The following UBE3C variants were observed in gnomAD, a reference collection of about 807,000 sequenced individuals.
UBE3C encodes ubiquitin-protein ligase E3C.
A neutral mutation model predicts 129.4 loss-of-function variants in UBE3C; 42 were observed. That is an observed-to-expected ratio of 0.32 (90% CI 0.25 to 0.42). The LOEUF (loss-of-function observed/expected upper bound fraction) is 0.42. UBE3C is among the 10% of genes least tolerant of loss of function. The pLI is 1.00. For missense variants in UBE3C, 1,049 were observed against 1,319.1 expected, an observed-to-expected ratio of 0.80 and a Z score of 3.17; for synonymous variants, 510 against 492.4, an observed-to-expected ratio of 1.04 and a Z score of -0.47.
intron 19 of UBE3C, among the ~76,000 whole-genome samples, chr7:157,248,974 G>C (rs577135994): frequency 7.8e-4 from 119 of 152,214 alleles, no homozygotes; most frequent in African/African-American, 2.7e-3. Context: ...CACTGTCTAG[G>C]GGGTGTGTTC....
chr7:157,189,823 G>A (rs1224592405), intron 10 of UBE3C, among the ~76,000 whole-genome samples: 2 of 123,418 alleles, frequency 1.6e-5, no homozygotes, highest in African/African-American at 4.3e-5. Context: ...GTTTGTGACG[G>A]AGTCTCTTGC....
chr7:157,231,123 C>T lies in UBE3C; in HGVS notation c.2277C>T (p.Ala759=). Residue 759 remains alanine, a synonymous_variant, in exon 18 of 23, where the codon GCC becomes GCT. Transcript: ENST00000348165. ...GGATCCGTGTGCACTTGCTCAATGC[C>T]CATGGCCTGGATGAAGCTGGCATTG... The part of the protein sequence containing the change: ...KKRIRVHLLN[A]HGLDEAGIDG... The T allele has an allele frequency of 1.2e-6, 2 of 1,614,044 alleles. No homozygotes were observed. The highest frequency in any genetic ancestry group is 1.7e-6 in the Non-Finnish European group (2 of 1,180,016).
Position 157,207,418 on chromosome 7 carries a change from A to G in UBE3C, c.1439A>G (p.Gln480Arg). 1 of 1,613,056 alleles carries G rather than the reference A, an allele frequency of 6.2e-7. No individual in the cohort carries two copies. Among genetic ancestry groups the G allele is most frequent in the Non-Finnish European group, 8.5e-7 (1 of 1,179,862 alleles). ...TCAAGGTCTATGGTACCGTTGCTTC[A>G]GGTGATATCCAGGGGTTCTCCTATG... ...MITGSMVPLL[Q>R]VISRGSPMSF... The change falls in exon 12 of 23, where the codon CAG becomes CGG. Residue 480 changes from glutamine (Q) to arginine (R), a missense_variant. Transcript: ENST00000348165.
chr7:157,231,115 C>T lies in UBE3C; in HGVS notation c.2269C>T (p.Leu757Phe). Residue 757 changes from leucine to phenylalanine, a missense_variant, in exon 18 of 23, where the codon CTC becomes TTC. Physicochemically the swap from Leu to Phe is conservative, Grantham distance 22. This residue lies in a region of UBE3C where 314 missense variants were observed against 416.9 expected (regional missense o/e 0.75). Transcript: ENST00000348165. Reference protein sequence around the residue: ...DLKKRIRVHLLNAHGLDEAGI... With the variant: ...DLKKRIRVHLFNAHGLDEAGI... ...GAAAAAGCGGATCCGTGTGCACTTG[C>T]TCAATGCCCATGGCCTGGATGAAGC... 6.2e-7 allele frequency: 1 copy of T among 1,614,078 alleles called. No homozygotes were observed. Among genetic ancestry groups the T allele is most frequent in the Non-Finnish European group, 8.5e-7 (1 of 1,180,018 alleles).
At chr7:157,256,734 C>T (rs1017502279) in intron 21 of UBE3C, 180 bp from the exon 22 acceptor site, 1 of 661,796 alleles carries the variant, frequency 1.5e-6, no homozygotes, top group Non-Finnish European at 2.6e-6. Flanking sequence ...TACCAGTGCT[C>T]TAGAGATCAT....
chr7:157,234,841 ACTT>A (rs1796112995), intron 18 of UBE3C, among the ~76,000 whole-genome samples: 1 of 152,138 alleles, frequency 6.6e-6, no homozygotes, highest in African/African-American at 2.4e-5. Flanking sequence ...CACACAGCCT[ACTT>A]CTCAGTTTCA....
At position 157,253,977 on chromosome 7, in the gene UBE3C, G is replaced by A. The variant is rs781644342; in HGVS notation, c.2718G>A (p.Gly906=). ...EAQVVELKFG[G]KDIPVTSANR... ...AGGTAGTTGAACTAAAATTCGGTGG[G>A]AAAGACATCCCTGTCACCAGCGCCA... The change falls in exon 20 of 23, where the codon GGG becomes GGA. Residue 906 remains glycine (G), a synonymous_variant. Transcript: ENST00000348165. 6.3e-7 allele frequency: 1 copy of A among 1,589,728 alleles called. No individual in the cohort carries two copies. Among genetic ancestry groups the A allele is most frequent in the Admixed American group, 1.8e-5 (1 of 56,756 alleles).
At chr7:157,253,130 C>T (rs543572556) in intron 19 of UBE3C, among the ~76,000 whole-genome samples, 2 of 152,234 alleles carry the variant, frequency 1.3e-5, no homozygotes, top group South Asian at 4.1e-4. Context: ...GTATTTTGCT[C>T]GTGTACTGTT....
intron 15 of UBE3C, chr7:157,222,765 G>A (rs75021852): frequency 0.013 from 1,944 of 153,322 alleles, 43 homozygotes; most frequent in African/African-American, 0.045. Flanking sequence ...GAAAGGAATG[G>A]GATATGTGTT....
At chr7:157,177,753 G>C (rs964436088) in intron 5 of UBE3C, among the ~76,000 whole-genome samples, 2 of 152,270 alleles carry the variant, frequency 1.3e-5, no homozygotes, top group South Asian at 2.1e-4. Flanking sequence ...TGAGACAGAA[G>C]GCAGCCTGCG....
intron 19 of UBE3C, among the ~76,000 whole-genome samples, chr7:157,250,108 C>G (rs1034302785): frequency 2.6e-5 from 4 of 152,174 alleles, no homozygotes; most frequent in Non-Finnish European, 5.9e-5. Flanking sequence ...GGAAGTGGGG[C>G]TATCAGTTCC....
intron 18 of UBE3C, chr7:157,231,696 C>T (rs1041759445): frequency 7.4e-5 from 19 of 255,050 alleles, no homozygotes; most frequent in South Asian, 1.4e-4. Context: ...TGTGCCGCCT[C>T]CGGACTCTGC....
At chr7:157,159,807 C>T (rs938207727) in intron 1 of UBE3C, among the ~76,000 whole-genome samples, 12 of 152,088 alleles carry the variant, frequency 7.9e-5, no homozygotes, top group African/African-American at 1.2e-4. Flanking sequence ...TGGGCCAGAG[C>T]GAGACTCTGT....
chr7:157,209,813 T>C (rs2117014665), intron 13 of UBE3C, among the ~76,000 whole-genome samples: 1 of 152,340 alleles, frequency 6.6e-6, no homozygotes, highest in East Asian at 1.9e-4. Flanking sequence ...AAGCGTTAAA[T>C]GAAAAGTTTG....
At chr7:157,184,091 CT>C (rs1808744468) in intron 9 of UBE3C, 62 bp downstream of exon 9, 5 of 1,580,146 alleles carry the variant, frequency 3.2e-6, no homozygotes, top group Admixed American at 1.8e-5. Context: ...GATCTTCTAG[CT>C]TTCTGTCCAC....
At chr7:157,233,048 T>C (rs1372097040) in intron 18 of UBE3C, among the ~76,000 whole-genome samples, 1 of 152,078 alleles carries the variant, frequency 6.6e-6, no homozygotes, top group African/African-American at 2.4e-5. Flanking sequence ...CTCCCTATCC[T>C]GCCCTTCCTC....
At chr7:157,163,228 A>G (rs1300326102) in intron 1 of UBE3C, among the ~76,000 whole-genome samples, 1 of 152,012 alleles carries the variant, frequency 6.6e-6, no homozygotes, top group Non-Finnish European at 1.5e-5. Flanking sequence ...TACTAAAAAA[A>G]TACAAAAAAT....
chr7:157,163,602 T>G (rs1374157450), intron 1 of UBE3C, among the ~76,000 whole-genome samples: 1 of 152,222 alleles, frequency 6.6e-6, no homozygotes, highest in Non-Finnish European at 1.5e-5. Context: ...AAAAAACTAC[T>G]GAAGTACTAA....
chr7:157,189,868 T>C (rs955095691), intron 10 of UBE3C, among the ~76,000 whole-genome samples: 2 of 152,152 alleles, frequency 1.3e-5, no homozygotes, highest in Admixed American at 1.3e-4. Flanking sequence ...TGGTGTGAAC[T>C]CGGCTCACTG....
Sources: gnomAD v4.1 joint callset for allele counts (sites outside exome capture counted in the v4.1 genomes callset) on GRCh38, gnomAD v4.1.1 for gene constraint, gnomAD v4.1.1 regional missense constraint, MANE v1.5 for transcripts, NCBI Gene and HGNC (gene_info 2026-07-23, HGNC 2026-07-21) for gene names.